FGFR2: variants seen among roughly 807,000 people sequenced by gnomAD.
FGFR2 encodes the protein BEK fibroblast growth factor receptor.
A neutral mutation model predicts 95.9 loss-of-function variants in FGFR2; 19 were observed. The ratio of observed to expected loss-of-function variants is 0.20; its 90% confidence interval spans 0.14 to 0.29. The LOEUF (loss-of-function observed/expected upper bound fraction) is 0.29, where lower values mean the gene tolerates loss of function less well. FGFR2 is among the 10% of genes least tolerant of loss of function. The pLI is 1.00. For synonymous variants in FGFR2, 392 were observed against 393.3 expected, an observed-to-expected ratio of 1.00 and a Z score of 0.04; for missense variants, 707 against 1,056.9, an observed-to-expected ratio of 0.67 and a Z score of 4.59.
At position 121,518,951 on chromosome 10, in the gene FGFR2, A is replaced by T. The variant is rs1850106158; in HGVS notation, c.939+1028T>A. On this transcript the variant is annotated intron_variant, in intron 7 of 17. Coordinates refer to ENST00000358487, the MANE Select transcript of FGFR2 (RefSeq NM_000141.5). The surrounding 1 kb of genome is among the most constrained non-coding windows in gnomAD (Gnocchi z 4.0). Reference sequence around the variant, plus strand: ...CATTACGTCTAAACAGCGGCATTAAAGGGCTGCGGATTTTAAAGAACAAAA... The same window carrying T: ...CATTACGTCTAAACAGCGGCATTAATGGGCTGCGGATTTTAAAGAACAAAA... 1 of 1,204,920 alleles carries T rather than the reference A, an allele frequency of 8.3e-7. No homozygotes were observed. 74.6% of individuals were successfully genotyped at this position (1,204,920 alleles called of 1,614,324 possible). A position where few individuals can be genotyped will look rare whatever the true frequency, so the allele number is the denominator to read the frequency against.
chr10:121,494,621 G>A (rs1340245860), intron 13 of FGFR2, among the ~76,000 whole-genome samples: 1 of 152,164 alleles, frequency 6.6e-6, no homozygotes, highest in Non-Finnish European at 1.5e-5. Context: ...GGATGGCACA[G>A]TGAGTATCCA....
chr10:121,554,044 C>T (rs372342081), intron 4 of FGFR2, among the ~76,000 whole-genome samples: 3 of 152,242 alleles, frequency 2.0e-5, no homozygotes, highest in African/African-American at 7.2e-5. Flanking sequence ...CAGGTAGCCA[C>T]TTCCCTCGGG....
chr10:121,588,410 TA>T (rs11342368), intron 2 of FGFR2, among the ~76,000 whole-genome samples: 149,597 of 150,454 alleles, frequency 0.99, 74,378 homozygotes, highest in Non-Finnish European at 1. Context: ...AAGCTAAATT[TA>T]AAAAAAAAAA....
chr10:121,517,124 TA>T lies in FGFR2; in HGVS notation c.1084+194del. ...TTAAGGGTGAAATTTCCCTTGATCA[TA>T]AATGTGAGTGTGGGATCTCACTGTG... On this transcript the variant is annotated intron_variant, in intron 8 of 17. Coordinates refer to ENST00000358487, the MANE Select transcript of FGFR2 (RefSeq NM_000141.5). The surrounding 1 kb of genome is among the most constrained non-coding windows in gnomAD (Gnocchi z 4.7). The T allele has an allele frequency of 1.5e-6, 1 of 665,260 alleles. No individual in the cohort carries two copies. Among genetic ancestry groups the T allele is most frequent in the Non-Finnish European group, 2.6e-6 (1 of 379,432 alleles). The allele number at this position is 665,260 out of a possible 1,614,324, so 41.2% of individuals were successfully genotyped here. A position where few individuals can be genotyped will look rare whatever the true frequency, so the allele number is the denominator to read the frequency against.
At chr10:121,507,490 AG>A (rs901921449) in intron 9 of FGFR2, among the ~76,000 whole-genome samples, 1 of 152,174 alleles carries the variant, frequency 6.6e-6, no homozygotes, top group Admixed American at 6.5e-5. Flanking sequence ...GGGGAGGCTG[AG>A]GCAGGAGAAT....
At chr10:121,575,192 A>G (rs1292245728) in intron 2 of FGFR2, among the ~76,000 whole-genome samples, 2 of 152,194 alleles carry the variant, frequency 1.3e-5, no homozygotes, top group Non-Finnish European at 2.9e-5. Flanking sequence ...ATGGCTCTTC[A>G]TGTTTGAAAG....
rs1845233508 is a variant in FGFR2 at position 121,485,047 on chromosome 10, C to G, written c.2195+348G>C. On this transcript the variant is annotated intron_variant, in intron 16 of 17. Transcript: ENST00000358487. The surrounding 1 kb of genome is among the most constrained non-coding windows in gnomAD (Gnocchi z 4.2). The stretch of plus-strand genomic sequence containing the variant: ...CGGCTTTCTAGCTTGTTTCCTGACC[C>G]GTGGGTCTTCCTGTCACTCCACGGG... 1.3e-5 allele frequency among the ~76,000 whole-genome samples: 2 copies of G among 152,230 alleles called. No individual in the cohort carries two copies. The highest frequency in any genetic ancestry group is 4.2e-4 in the South Asian group (2 of 4,816).
intron 17 of FGFR2, chr10:121,480,373 G>A (rs546990872): frequency 1.2e-5 from 5 of 417,360 alleles, no homozygotes; most frequent in Admixed American, 3.6e-5. Context: ...CAGGCAACTC[G>A]GCTTCACACG....
intron 1 of FGFR2, among the ~76,000 whole-genome samples, chr10:121,597,345 C>T (rs1436581012): frequency 6.6e-6 from 1 of 152,234 alleles, no homozygotes; most frequent in Admixed American, 6.5e-5. Flanking sequence ...AAAGTCGGTC[C>T]AGTTCGCCCC....
chr10:121,503,751 G>A (rs2134051153), intron 10 of FGFR2, 39 bp downstream of exon 10: 1 of 1,612,460 alleles, frequency 6.2e-7, no homozygotes, highest in Non-Finnish European at 8.5e-7. Flanking sequence ...ATTTATAGCT[G>A]AGTCTCCATC....
At chr10:121,574,968 A>T (rs1859482265) in intron 2 of FGFR2, among the ~76,000 whole-genome samples, 1 of 152,208 alleles carries the variant, frequency 6.6e-6, no homozygotes, top group Non-Finnish European at 1.5e-5. Context: ...GTCGGGACTG[A>T]AACCTCCCTG....
intron 2 of FGFR2, among the ~76,000 whole-genome samples, chr10:121,582,199 G>A (rs1362838606): frequency 1.3e-5 from 2 of 151,886 alleles, no homozygotes; most frequent in Non-Finnish European, 2.9e-5. Context: ...CAAAGTGCTG[G>A]GATTACAGGC....
intron 4 of FGFR2, among the ~76,000 whole-genome samples, chr10:121,555,714 C>G (rs545198036): frequency 1.6e-4 from 25 of 152,292 alleles, no homozygotes; most frequent in African/African-American, 3.6e-4. Flanking sequence ...CAATCAATCC[C>G]ATCCCATCAA....
intron 13 of FGFR2, among the ~76,000 whole-genome samples, chr10:121,491,196 G>C (rs1017106709): frequency 6.6e-6 from 1 of 152,266 alleles, no homozygotes; most frequent in South Asian, 2.1e-4. Flanking sequence ...GCGAAAGCCA[G>C]AGTCTAGCGT....
chr10:121,510,709 C>T (rs1310347802), intron 9 of FGFR2, among the ~76,000 whole-genome samples: 1 of 152,132 alleles, frequency 6.6e-6, no homozygotes, highest in Non-Finnish European at 1.5e-5. Context: ...GGTCCTATTC[C>T]TAACGTCCCC....
intron 2 of FGFR2, among the ~76,000 whole-genome samples, chr10:121,566,464 G>A (rs895092049): frequency 1.3e-5 from 2 of 152,034 alleles, no homozygotes; most frequent in African/African-American, 4.8e-5. Context: ...GTGTGCCCCC[G>A]ACTCCACACG....
At chr10:121,591,258 AG>A (rs1436316359) in intron 2 of FGFR2, among the ~76,000 whole-genome samples, 2 of 152,206 alleles carry the variant, frequency 1.3e-5, no homozygotes, top group East Asian at 3.8e-4. Flanking sequence ...GGAAACACCA[AG>A]GGCCTCCTCC....
intron 17 of FGFR2, among the ~76,000 whole-genome samples, chr10:121,482,679 C>A (rs1844913049): frequency 6.6e-6 from 1 of 152,164 alleles, no homozygotes; most frequent in Non-Finnish European, 1.5e-5. Context: ...CTGCTCAGAG[C>A]ATATGCTTTC....
At chr10:121,576,701 C>T (rs1239090355) in intron 2 of FGFR2, among the ~76,000 whole-genome samples, 1 of 152,126 alleles carries the variant, frequency 6.6e-6, no homozygotes, top group Admixed American at 6.5e-5. Context: ...AGGCAGCTCT[C>T]TTCATCTTAC....
Sources: allele counts gnomAD v4.1 joint callset (sites outside exome capture counted in the v4.1 genomes callset), GRCh38; gene constraint gnomAD v4.1.1; non-coding constraint Gnocchi (gnomAD v3.1); transcripts MANE v1.5; gene names NCBI Gene and HGNC (gene_info 2026-07-23, HGNC 2026-07-21).